Variants in TMEM192 observed in about 807,000 individuals in gnomAD.
TMEM192 encodes the protein transmembrane protein 192.
TMEM192 carries 20 observed loss-of-function variants against 26.7 expected under a neutral mutation model. The observed-to-expected ratio is 0.75, with a 90% confidence interval of 0.53 to 1.09. TMEM192 has a LOEUF of 1.09. TMEM192 is among the 50% of genes least tolerant of loss of function. The pLI, the probability that TMEM192 is intolerant of heterozygous loss-of-function variation, is 0.00. For missense variants in TMEM192, 304 were observed against 322.6 expected, an observed-to-expected ratio of 0.94 and a Z score of 0.44; for synonymous variants, 124 against 121.0, an observed-to-expected ratio of 1.02 and a Z score of -0.16.
At chr4:165,085,787 A>T in intron 4 of TMEM192, 99 bp from the exon 5 acceptor site, 1 of 827,476 alleles carries the variant, frequency 1.2e-6, no homozygotes, top group Non-Finnish European at 1.9e-6. Context: ...AACGTCCTTG[A>T]GTATTTCAAA....
chr4:165,105,645 T>C (rs1463025135), intron 1 of TMEM192, among the ~76,000 whole-genome samples: 1 of 152,194 alleles, frequency 6.6e-6, no homozygotes, highest in African/African-American at 2.4e-5. Context: ...AACTCTTTTC[T>C]CTTTTTAATA....
intron 1 of TMEM192, among the ~76,000 whole-genome samples, chr4:165,107,407 G>C (rs1469129225): frequency 2.0e-5 from 3 of 151,148 alleles, no homozygotes; most frequent in African/African-American, 7.3e-5. Context: ...CACGATCTCG[G>C]CTCACTGCAG....
rs1332342283 is a variant in TMEM192, at chr4:165,105,105, T to C, written c.28-2009A>G. Among the ~76,000 whole-genome samples, 3 of 152,188 alleles carry C rather than the reference T, an allele frequency of 2.0e-5. No homozygotes were observed. In the East Asian group the frequency reaches 5.8e-4, roughly 29 times the overall value. Reference sequence around the variant, plus strand: ...TTTCAAAGCATTCTGTGCTTGCCTCTTCTATCAAACTATCCTGTGATGGTC... The same window carrying C: ...TTTCAAAGCATTCTGTGCTTGCCTCCTCTATCAAACTATCCTGTGATGGTC... On this transcript the variant is annotated intron_variant, in intron 1 of 5. Coordinates refer to ENST00000306480, the MANE Select transcript of TMEM192 (RefSeq NM_001100389.2).
chr4:165,079,858 C>CAA (rs1323970610), intron 5 of TMEM192, 62 bp from the exon 6 acceptor site: 22 of 1,499,392 alleles, frequency 1.5e-5, no homozygotes, highest in Non-Finnish European at 1.8e-5. Context: ...AGTGTCTTTG[C>CAA]AAATGAGTAC....
At chr4:165,080,727 T>C (rs1365086925) in intron 5 of TMEM192, among the ~76,000 whole-genome samples, 6 of 152,252 alleles carry the variant, frequency 3.9e-5, no homozygotes, top group Admixed American at 2.0e-4. Context: ...ATTATTATTA[T>C]TTTTTGAGAC....
At chr4:165,085,797 A>T (rs1420498564) in intron 4 of TMEM192, 109 bp from the exon 5 acceptor site, 1 of 745,352 alleles carries the variant, frequency 1.3e-6, no homozygotes, top group East Asian at 2.7e-5. Context: ...AGTATTTCAA[A>T]TTCTACTATG....
In TMEM192 at chr4:165,107,406, G is replaced by A. The variant is rs202021818; in HGVS notation, c.28-4310C>T. On this transcript the variant is annotated intron_variant, in intron 1 of 5. Transcript: ENST00000306480. ...GGCTGGAGAACAGTGGCACGATCTC[G>A]GCTCACTGCAGCCTCCGTGCCCCCC... 3.5e-4 allele frequency among the ~76,000 whole-genome samples: 53 copies of A among 150,424 alleles called. No homozygotes were observed. In the East Asian group the frequency reaches 8.6e-3, roughly 24 times the overall value.
Position 165,102,940 on chromosome 4 carries a change from G to T in TMEM192, c.174+10C>A. Reference sequence around the variant, plus strand: ...CCTCTGGATAGGTCCCCTTCTTGCAGCCAACTTACATGAATAAACCACAGA... The same window carrying T: ...CCTCTGGATAGGTCCCCTTCTTGCATCCAACTTACATGAATAAACCACAGA... On this transcript the variant is annotated intron_variant, in intron 2 of 5. Coordinates refer to ENST00000306480, the MANE Select transcript of TMEM192 (RefSeq NM_001100389.2). 1 of 1,606,448 alleles carries T rather than the reference G, an allele frequency of 6.2e-7. No individual in the cohort carries two copies. The highest frequency in any genetic ancestry group is 1.1e-5 in the South Asian group (1 of 89,718).
rs745454263 is a variant in TMEM192 at position 165,103,034 on chromosome 4, T to C, written c.90A>G (p.Pro30=). ...DDPLLDAQLL[P]HHSLQAHFRP... is the part of the protein sequence containing the mutation. ...TAAAGTGAGCTTGTAATGAGTGGTG[T>C]GGGAGAAGCTGGGCATCCAGAAGTG... Residue 30 remains proline, a synonymous_variant, in exon 2 of 6, where the codon CCA becomes CCG. Transcript: ENST00000306480. 2 of 1,613,510 alleles carry C rather than the reference T, an allele frequency of 1.2e-6. No individual in the cohort carries two copies. The highest frequency in any genetic ancestry group is 1.1e-5 in the South Asian group (1 of 91,038).
rs70952697 is a variant in TMEM192 at position 165,075,245 on chromosome 4, C to CTT, written c.*4411_*4412dup. The CTT allele has an allele frequency of 6.6e-4, 94 of 142,608 alleles. No homozygotes were observed. The highest frequency in any genetic ancestry group is 1.4e-3 in the Admixed American group (20 of 14,002). 8.8% of individuals were successfully genotyped at this position (142,608 alleles called of 1,614,324 possible). Reference sequence around the variant, plus strand: ...AAATACAATTTTTTTTCTTTTCTTTCTTTTTTTTTTTTTGTGATGGAGTCT... The same window carrying CTT: ...AAATACAATTTTTTTTCTTTTCTTTCTTTTTTTTTTTTTTTGTGATGGAGTCT... On this transcript the variant is annotated 3_prime_UTR_variant, in exon 6 of 6. Coordinates refer to ENST00000306480, the MANE Select transcript of TMEM192 (RefSeq NM_001100389.2).
intron 3 of TMEM192, among the ~76,000 whole-genome samples, chr4:165,093,740 G>T (rs1263366677): frequency 6.6e-6 from 1 of 151,942 alleles, no homozygotes; most frequent in African/African-American, 2.4e-5. Flanking sequence ...TCTAATAATG[G>T]TGACTTTTTT....
intron 3 of TMEM192, among the ~76,000 whole-genome samples, chr4:165,093,617 C>T (rs1222997734): frequency 2.0e-5 from 3 of 152,160 alleles, no homozygotes; most frequent in African/African-American, 4.8e-5. Flanking sequence ...CCACCCTGTA[C>T]AATATCTTAG....
intron 1 of TMEM192, among the ~76,000 whole-genome samples, chr4:165,104,822 C>T (rs1251027953): frequency 6.6e-6 from 1 of 152,114 alleles, no homozygotes; most frequent in Non-Finnish European, 1.5e-5. Context: ...TGAGCCACCG[C>T]GCCTGGCCAA....
At chr4:165,090,207 G>T (rs1270388362) in intron 3 of TMEM192, among the ~76,000 whole-genome samples, 2 of 79,644 alleles carry the variant, frequency 2.5e-5, no homozygotes, top group African/African-American at 9.1e-5. Context: ...GCGAAACTCC[G>T]TCTTGGAAAA....
At position 165,078,832 on chromosome 4, in the gene TMEM192, C is replaced by G. The variant is rs1299275229; in HGVS notation, c.*826G>C. ...TGAGACGGAGTCTCGCTCTGTCGCCCAGGCTGGAGTGCAGTGGCGTGATCT... is the reference window on the plus strand; with the variant it reads ...TGAGACGGAGTCTCGCTCTGTCGCCGAGGCTGGAGTGCAGTGGCGTGATCT... On this transcript the variant is annotated 3_prime_UTR_variant, in exon 6 of 6. Transcript: ENST00000306480. 6.6e-6 allele frequency: 1 copy of G among 152,370 alleles called. No individual in the cohort carries two copies. The highest frequency in any genetic ancestry group is 1.5e-5 in the Non-Finnish European group (1 of 68,168). The allele number at this position is 152,370 out of a possible 1,614,324, so 9.4% of individuals were successfully genotyped here.
intron 1 of TMEM192, among the ~76,000 whole-genome samples, chr4:165,110,286 C>T (rs1578916757): frequency 6.6e-6 from 1 of 152,298 alleles, no homozygotes; most frequent in Non-Finnish European, 1.5e-5. Context: ...AACTCTATTT[C>T]CTTTGAGGAC....
At chr4:165,107,530 G>C (rs1001564842) in intron 1 of TMEM192, among the ~76,000 whole-genome samples, 8 of 151,594 alleles carry the variant, frequency 5.3e-5, no homozygotes. Flanking sequence ...TTTTAGTAAA[G>C]GTGAGATTTC....
At chr4:165,097,755 C>T (rs1447128137) in intron 3 of TMEM192, among the ~76,000 whole-genome samples, 1 of 151,506 alleles carries the variant, frequency 6.6e-6, no homozygotes, top group Non-Finnish European at 1.5e-5. Context: ...GCTAGGACTA[C>T]AGGCACAGGC....
chr4:165,093,844 T>G (rs898736809), intron 3 of TMEM192, among the ~76,000 whole-genome samples: 1 of 152,040 alleles, frequency 6.6e-6, no homozygotes, highest in African/African-American at 2.4e-5. Flanking sequence ...GCCTCCCTAG[T>G]AGCTGGAATT....
Sources: allele counts gnomAD v4.1 joint callset (sites outside exome capture counted in the v4.1 genomes callset), GRCh38; gene constraint gnomAD v4.1.1; transcripts MANE v1.5; gene names NCBI Gene and HGNC (gene_info 2026-07-23, HGNC 2026-07-21).